The following PPARGC1A variants were observed in gnomAD, a reference collection of about 807,000 sequenced individuals.
The protein encoded by PPARGC1A is PPARG coactivator 1 alpha.
Under a neutral mutation model 88.7 loss-of-function variants are expected in PPARGC1A, and 25 were observed. The ratio of observed to expected loss-of-function variants is 0.28; its 90% CI spans 0.21 to 0.39. The LOEUF (loss-of-function observed/expected upper bound fraction) is 0.39. Among genes scored for constraint, PPARGC1A ranks in the 10% least tolerant of loss-of-function variants. The pLI is 1.00. For synonymous variants in PPARGC1A, 363 were observed against 355.6 expected (o/e 1.02, Z -0.24); for missense variants, 880 against 968.7 (o/e 0.91, Z 1.22).
the PPARGC1A span, among the ~76,000 whole-genome samples, chr4:24,049,474 T>C: frequency 6.6e-6 from 1 of 151,180 alleles, no homozygotes; most frequent in Admixed American, 6.6e-5. Flanking sequence ...CTGGGGTGAA[T>C]TGGGTGAAAT....
At chr4:24,351,576 C>A in the PPARGC1A span, among the ~76,000 whole-genome samples, 1 of 152,164 alleles carries the variant, frequency 6.6e-6, no homozygotes, top group Non-Finnish European at 1.5e-5. Flanking sequence ...AATCACAATG[C>A]ACATTAAAGG....
chr4:24,275,810 T>C, the PPARGC1A span, among the ~76,000 whole-genome samples: 17 of 152,318 alleles, frequency 1.1e-4, no homozygotes, highest in South Asian at 3.5e-3. Context: ...GCAGCATTTA[T>C]AAGCATGCAC....
At chr4:24,288,028 G>A in the PPARGC1A span, among the ~76,000 whole-genome samples, 17 of 152,132 alleles carry the variant, frequency 1.1e-4, no homozygotes, top group East Asian at 3.1e-3. Flanking sequence ...AACTTTGCGG[G>A]TGCCCTCCAA....
chr4:23,824,669 T>TA lies in PPARGC1A; in HGVS notation c.758-162dup, dbSNP rs746841520. On this transcript the variant is annotated intron_variant, in intron 5 of 12. Transcript: ENST00000264867. ...AAAGTCAGACAAAAGTCCATTATGC[T>TA]AAAACAAATTCCAAACAGCGTTTGC... 2.0e-5 allele frequency among the ~76,000 whole-genome samples: 3 copies of TA among 152,226 alleles called. No individual in the cohort carries two copies. In the South Asian group the frequency reaches 6.2e-4, roughly 32 times the overall value.
the PPARGC1A span, among the ~76,000 whole-genome samples, chr4:24,276,407 A>G: frequency 6.6e-6 from 1 of 152,314 alleles, no homozygotes; most frequent in Non-Finnish European, 1.5e-5. Flanking sequence ...CAAATGCAGA[A>G]CAAGTATCTG....
chr4:24,176,070 C>T, the PPARGC1A span, among the ~76,000 whole-genome samples: 1 of 152,116 alleles, frequency 6.6e-6, no homozygotes, highest in South Asian at 2.1e-4. Flanking sequence ...GCTGGGTTGC[C>T]TCTCTCCCAA....
the PPARGC1A span, among the ~76,000 whole-genome samples, chr4:24,427,765 T>C: frequency 2.0e-5 from 3 of 152,064 alleles, no homozygotes; most frequent in South Asian, 6.2e-4. Context: ...TACTGGCATC[T>C]AATGAATGTA....
chr4:24,274,489 T>C, the PPARGC1A span, among the ~76,000 whole-genome samples: 13 of 152,236 alleles, frequency 8.5e-5, no homozygotes, highest in African/African-American at 1.7e-4. Context: ...GAAGCAGCCA[T>C]AGACAGTATG....
intron 1 of PPARGC1A, among the ~76,000 whole-genome samples, chr4:23,888,116 T>C (rs995322624): frequency 6.6e-6 from 1 of 152,230 alleles, no homozygotes; most frequent in Admixed American, 6.5e-5. Flanking sequence ...CTGCTGCTCG[T>C]AATATTTTAT....
At chr4:24,112,965 T>A in the PPARGC1A span, among the ~76,000 whole-genome samples, 5 of 152,164 alleles carry the variant, frequency 3.3e-5, no homozygotes, top group African/African-American at 1.2e-4. Context: ...TTTCTTTCAA[T>A]GAGAAAGCTG....
At chr4:24,219,590 T>G in the PPARGC1A span, among the ~76,000 whole-genome samples, 1 of 152,198 alleles carries the variant, frequency 6.6e-6, no homozygotes, top group Non-Finnish European at 1.5e-5. Context: ...CATTATTCTC[T>G]TAACTCTTAC....
chr4:24,194,630 G>GCA, the PPARGC1A span, among the ~76,000 whole-genome samples: 105 of 48,688 alleles, frequency 2.2e-3, no homozygotes, highest in African/African-American at 5.1e-3. Context: ...GCACGCGCGC[G>GCA]CACACACACA....
chr4:23,925,142 A>G, the PPARGC1A span, among the ~76,000 whole-genome samples: 2 of 152,250 alleles, frequency 1.3e-5, no homozygotes, highest in Admixed American at 6.5e-5. Context: ...TTTTCTAAAA[A>G]TCTTCTCAAT....
the PPARGC1A span, among the ~76,000 whole-genome samples, chr4:23,939,560 C>T: frequency 4.8e-3 from 735 of 152,268 alleles, 9 homozygotes; most frequent in African/African-American, 0.017. Flanking sequence ...AGAGGTTTTG[C>T]TGCCTTTGCC....
the PPARGC1A span, among the ~76,000 whole-genome samples, chr4:24,296,862 C>G: frequency 6.6e-6 from 1 of 152,152 alleles, no homozygotes; most frequent in Non-Finnish European, 1.5e-5. Context: ...TGCCAGGATG[C>G]ATACGAAGTT....
the PPARGC1A span, among the ~76,000 whole-genome samples, chr4:24,157,528 C>T: frequency 3.3e-5 from 5 of 152,140 alleles, no homozygotes; most frequent in Non-Finnish European, 5.9e-5. Context: ...CCTGCATATC[C>T]TATCTGCCTC....
At chr4:23,916,203 C>T in the PPARGC1A span, among the ~76,000 whole-genome samples, 2 of 152,176 alleles carry the variant, frequency 1.3e-5, no homozygotes, top group African/African-American at 4.8e-5. Context: ...TTAATTTGAA[C>T]TTACCCTTCA....
chr4:24,160,160 C>T, the PPARGC1A span, among the ~76,000 whole-genome samples: 1 of 152,214 alleles, frequency 6.6e-6, no homozygotes, highest in Non-Finnish European at 1.5e-5. Context: ...CCTCTAATCT[C>T]TCAGTCAGAA....
At chr4:24,472,277 C>T in the PPARGC1A span, among the ~76,000 whole-genome samples, 1 of 151,952 alleles carries the variant, frequency 6.6e-6, no homozygotes, top group Non-Finnish European at 1.5e-5. This position sits in a 1 kb window ranked among gnomAD's most constrained non-coding sequence, Gnocchi z 4.5. Context: ...CCATCCTCCC[C>T]ACCCCCTCCC....
Sources: allele counts gnomAD v4.1 joint callset (sites outside exome capture counted in the v4.1 genomes callset), GRCh38; gene constraint gnomAD v4.1.1; non-coding constraint Gnocchi (gnomAD v3.1); transcripts MANE v1.5; gene names NCBI Gene and HGNC (gene_info 2026-07-23, HGNC 2026-07-21).